The following F13A1 variants were observed in gnomAD, a reference collection of about 807,000 sequenced individuals.
F13A1 encodes the protein FSF, A subunit.
F13A1 carries 47 observed loss-of-function variants against 80.1 expected under a neutral mutation model. That is an observed-to-expected ratio of 0.59 (90% CI 0.46 to 0.75). The LOEUF is 0.75. F13A1 is among the 30% of genes least tolerant of loss of function. F13A1 has a pLI of 0.00. For synonymous variants in F13A1, 349 were observed against 344.9 expected (o/e 1.01, Z -0.13); for missense variants, 817 against 930.4 (o/e 0.88, Z 1.59).
intron 4 of F13A1, among the ~76,000 whole-genome samples, chr6:6,254,040 A>G (rs1757671855): frequency 6.6e-6 from 1 of 152,200 alleles, no homozygotes; most frequent in African/African-American, 2.4e-5. Flanking sequence ...AATATATGAA[A>G]AAATGCTCAA....
chr6:6,289,433 C>A (rs1353480773), intron 3 of F13A1, among the ~76,000 whole-genome samples: 2 of 149,168 alleles, frequency 1.3e-5, no homozygotes, highest in Non-Finnish European at 3.0e-5. Flanking sequence ...TATGCAAATA[C>A]ACACACACAC....
At chr6:6,207,571 T>C (rs1160227862) in intron 8 of F13A1, among the ~76,000 whole-genome samples, 3 of 152,192 alleles carry the variant, frequency 2.0e-5, no homozygotes, top group African/African-American at 4.8e-5. Flanking sequence ...GCTGTGAGCA[T>C]GCCCAAAAGA....
chr6:6,172,483 T>TC (rs1182868098), intron 12 of F13A1, among the ~76,000 whole-genome samples: 1 of 151,214 alleles, frequency 6.6e-6, no homozygotes, highest in African/African-American at 2.4e-5. Flanking sequence ...TCTTGCTCTG[T>TC]CCCCCAGGCT....
Position 6,145,812 on chromosome 6 carries a change from G to T in F13A1, c.2046-40C>A, listed in dbSNP as rs780184309. ...AAGAGAGGAGAGGTTGGAAGATCCA[G>T]CTTTCCACTTTGATCAGGAAGCAAT... is the stretch of plus-strand genomic sequence containing the variant. On this transcript the variant is annotated intron_variant, in intron 14 of 14. Coordinates refer to ENST00000264870, the MANE Select transcript of F13A1 (RefSeq NM_000129.4). 5 of 1,613,782 alleles carry T rather than the reference G, an allele frequency of 3.1e-6. 1 individual carries two copies. In the South Asian group the frequency reaches 4.4e-5, roughly 14 times the overall value.
intron 3 of F13A1, among the ~76,000 whole-genome samples, chr6:6,284,571 G>A (rs1758109662): frequency 6.6e-6 from 1 of 152,112 alleles, no homozygotes; most frequent in Non-Finnish European, 1.5e-5. Flanking sequence ...ATTCCTCATG[G>A]GCCTGCCTGA....
chr6:6,195,860 C>A lies in F13A1; in HGVS notation c.1242G>T (p.Ser414=). Residue 414 remains serine, a synonymous_variant, in exon 10 of 15, where the codon TCG becomes TCT. Coordinates refer to ENST00000264870, the MANE Select transcript of F13A1 (RefSeq NM_000129.4). ...SDGMYRCGPA[S]VQAIKHGHVC... ...CATGGCCGTGCTTGATGGCTTGAAC[C>A]GAGGCGGGGCCACACCGATACATGC... is the stretch of plus-strand genomic sequence containing the variant. 1 of 1,614,136 alleles carries A rather than the reference C, an allele frequency of 6.2e-7. No individual in the cohort carries two copies. Among genetic ancestry groups the A allele is most frequent in the Non-Finnish European group, 8.5e-7 (1 of 1,180,026 alleles).
At position 6,160,125 on chromosome 6, in the gene F13A1, A is replaced by G. The variant is rs183465606; in HGVS notation, c.1908+7333T>C. The stretch of plus-strand genomic sequence containing the variant: ...AACCCTGTCTCTACTAAAAATGCAA[A>G]AATTATCTGGGCGTGGTGGTGGGCG... On this transcript the variant is annotated intron_variant, in intron 13 of 14. Transcript: ENST00000264870. Among the ~76,000 whole-genome samples, 254 of 151,368 alleles carry G rather than the reference A, an allele frequency of 1.7e-3. 2 individuals are homozygous for G. The highest frequency in any genetic ancestry group is 3.0e-3 in the Non-Finnish European group (202 of 67,842).
intron 13 of F13A1, 62 bp from the exon 14 acceptor site, chr6:6,152,011 T>A: frequency 6.3e-7 from 1 of 1,594,900 alleles, no homozygotes; most frequent in Non-Finnish European, 8.6e-7. Context: ...TCTTGTTGTC[T>A]TAACCATCAT....
chr6:6,268,257 G>A (rs989132664), intron 3 of F13A1, among the ~76,000 whole-genome samples: 1 of 152,148 alleles, frequency 6.6e-6, no homozygotes, highest in African/African-American at 2.4e-5. Flanking sequence ...AAAAGCCAAA[G>A]CATGTGGCTT....
chr6:6,315,633 C>T (rs949356534), intron 2 of F13A1, among the ~76,000 whole-genome samples: 1 of 152,128 alleles, frequency 6.6e-6, no homozygotes, highest in African/African-American at 2.4e-5. Context: ...GGACTCACTG[C>T]TACAGAACTA....
chr6:6,313,675 G>GGCTT, intron 2 of F13A1, among the ~76,000 whole-genome samples: 1 of 151,656 alleles, frequency 6.6e-6, no homozygotes, highest in East Asian at 1.9e-4. Context: ...ATGAGAAACT[G>GGCTT]ATTTATTTAA....
chr6:6,318,282 G>A (rs562869149), intron 2 of F13A1, among the ~76,000 whole-genome samples: 42 of 152,250 alleles, frequency 2.8e-4, no homozygotes, highest in Non-Finnish European at 5.6e-4. Context: ...TTGAGAGGCA[G>A]AAAGACAAAG....
chr6:6,195,001 A>G (rs763534296), intron 10 of F13A1, among the ~76,000 whole-genome samples: 15 of 152,216 alleles, frequency 9.9e-5, no homozygotes, highest in Non-Finnish European at 1.0e-4. Context: ...AGTGAAAGAC[A>G]TTATTTCAGT....
At chr6:6,293,389 T>G (rs1758251632) in intron 3 of F13A1, among the ~76,000 whole-genome samples, 1 of 152,046 alleles carries the variant, frequency 6.6e-6, no homozygotes, top group East Asian at 1.9e-4. Flanking sequence ...GTAAAACCTG[T>G]GATTACCACT....
In F13A1 at chr6:6,145,573, A is replaced by C; in HGVS notation, c.*46T>G. 6.2e-7 allele frequency: 1 copy of C among 1,613,800 alleles called. No individual in the cohort carries two copies. On this transcript the variant is annotated 3_prime_UTR_variant, in exon 15 of 15. Coordinates refer to ENST00000264870, the MANE Select transcript of F13A1 (RefSeq NM_000129.4). ...TTGCGTTAGAATTTCCTTAGCCAAG[A>C]CTACAAGAGGCCAAATGCCAGGGTT...
Position 6,266,561 on chromosome 6 carries a change from C to T in F13A1, c.568G>A (p.Glu190Lys), listed in dbSNP as rs772140446. 11 of 1,614,114 alleles carry T rather than the reference C, an allele frequency of 6.8e-6. No individual in the cohort carries two copies. In the East Asian group the frequency reaches 2.4e-4, roughly 36 times the overall value. The change falls in exon 4 of 15, where the codon GAA becomes AAA. Residue 190 changes from glutamate (E) to lysine (K), a missense_variant. By Grantham distance (56) the Glu-to-Lys change is moderately conservative. Transcript: ENST00000264870. ...DTYILFNPWCEDDAVYLDNEK... is the reference protein window; with the variant it reads ...DTYILFNPWCKDDAVYLDNEK... The stretch of plus-strand genomic sequence containing the variant: ...AAACTAAATGTCTGCCTCTTACCTT[C>T]ACACCAAGGATTGAAGAGAATGTAC...
At chr6:6,298,206 G>GA (rs1303581227) in intron 3 of F13A1, among the ~76,000 whole-genome samples, 1 of 145,106 alleles carries the variant, frequency 6.9e-6, no homozygotes, top group Non-Finnish European at 1.5e-5. Flanking sequence ...GTGTGGTGCT[G>GA]AAAAAAATGT....
intron 3 of F13A1, among the ~76,000 whole-genome samples, chr6:6,288,630 CTT>C (rs1434742960): frequency 6.6e-6 from 1 of 152,176 alleles, no homozygotes; most frequent in Non-Finnish European, 1.5e-5. Flanking sequence ...CTACATACAT[CTT>C]TTCAACATCC....
chr6:6,279,786 G>A (rs111910962), intron 3 of F13A1, among the ~76,000 whole-genome samples: 25 of 152,268 alleles, frequency 1.6e-4, no homozygotes, highest in Non-Finnish European at 2.1e-4. Context: ...GGCTCATTTC[G>A]TTAAAATCAT....
Sources: allele counts gnomAD v4.1 joint callset (sites outside exome capture counted in the v4.1 genomes callset), GRCh38; gene constraint gnomAD v4.1.1; transcripts MANE v1.5; gene names NCBI Gene and HGNC (gene_info 2026-07-23, HGNC 2026-07-21).